ATP2C1: variants seen among roughly 807,000 people sequenced by gnomAD.
ATP2C1 encodes the protein ATPase secretory pathway Ca2+ transporting 1, also known as calcium-transporting ATPase type 2C member 1.
Under a neutral mutation model 120.5 loss-of-function variants are expected in ATP2C1, and 31 were observed. The observed-to-expected ratio is 0.26, with a 90% CI of 0.19 to 0.35. The LOEUF is 0.35. Among genes scored for constraint, ATP2C1 ranks in the 10% least tolerant of loss-of-function variants. ATP2C1 has a pLI of 1.00. For missense variants in ATP2C1, 731 were observed against 1,107.5 expected (o/e 0.66, Z 4.83); for synonymous variants, 351 against 358.7 (o/e 0.98, Z 0.24).
At chr3:130,885,663 G>A (rs184162157) in intron 1 of ATP2C1, among the ~76,000 whole-genome samples, 27 of 151,378 alleles carry the variant, frequency 1.8e-4, no homozygotes, top group East Asian at 7.8e-4. Flanking sequence ...GCTTTTTAAC[G>A]TCTTGTTTCT....
intron 1 of ATP2C1, among the ~76,000 whole-genome samples, chr3:130,853,764 C>T (rs1217733828): frequency 1.3e-5 from 2 of 152,170 alleles, no homozygotes; most frequent in African/African-American, 2.4e-5. Flanking sequence ...TATTCGTGCA[C>T]CCATGCACAC....
At chr3:130,918,986 C>T (rs2669868) in intron 2 of ATP2C1, 13,306 of 403,226 alleles carry the variant, frequency 0.033, 311 homozygotes, top group Middle Eastern at 0.061. Flanking sequence ...AGCAAGACTC[C>T]GTCTTAAACA....
Position 130,894,210 on chromosome 3 carries a change from G to C in ATP2C1, c.-308G>C. 1.0e-6 allele frequency: 1 copy of C among 972,670 alleles called. No homozygotes were observed. The highest frequency in any genetic ancestry group is 1.2e-6 in the Non-Finnish European group (1 of 826,054). 60.3% of individuals were successfully genotyped at this position (972,670 alleles called of 1,614,324 possible). A position where few individuals can be genotyped will look rare whatever the true frequency, so the allele number is the denominator to read the frequency against. On this transcript the variant is annotated 5_prime_UTR_variant, in exon 1 of 28. Transcript: ENST00000510168. This position sits in a 1 kb window ranked among gnomAD's most constrained non-coding sequence, Gnocchi z 4.5. The stretch of plus-strand genomic sequence containing the variant: ...CCTCCCGCTCGCTTCTTCTCACGCC[G>C]GGAGCAGGCTCCCGCCTCGCACCGC...
intron 1 of ATP2C1, among the ~76,000 whole-genome samples, chr3:130,870,311 T>G (rs1288662761): frequency 1.3e-5 from 2 of 152,228 alleles, no homozygotes; most frequent in Non-Finnish European, 2.9e-5. Context: ...CAAGGAAGAA[T>G]TTTAACTTTC....
chr3:130,985,848 A>C (rs2061984983), intron 20 of ATP2C1, among the ~76,000 whole-genome samples: 1 of 151,924 alleles, frequency 6.6e-6, no homozygotes, highest in Non-Finnish European at 1.5e-5. Flanking sequence ...TTTTTCTTTA[A>C]GAACATGGCT....
At chr3:130,863,293 C>G (rs2068073082) in intron 1 of ATP2C1, among the ~76,000 whole-genome samples, 1 of 152,132 alleles carries the variant, frequency 6.6e-6, no homozygotes, top group South Asian at 2.1e-4. Context: ...TCAAAGGTCT[C>G]AGACTCCTCT....
rs534500698 is a variant in ATP2C1 at position 130,984,061 on chromosome 3, A to G, written c.1839+3382A>G. 1.1e-4 allele frequency among the ~76,000 whole-genome samples: 16 copies of G among 152,298 alleles called. No homozygotes were observed. In the South Asian group the frequency reaches 2.5e-3, roughly 24 times the overall value. On this transcript the variant is annotated intron_variant, in intron 20 of 27. Coordinates refer to ENST00000510168, the MANE Select transcript of ATP2C1 (RefSeq NM_001378687.1). ...CTGAATCAGATCATATGGTAAGAGT[A>G]TATTTAGTTTTTTAAGAAACAGGCA...
At chr3:130,971,923 G>T (rs773472659) in intron 17 of ATP2C1, among the ~76,000 whole-genome samples, 1 of 152,138 alleles carries the variant, frequency 6.6e-6, no homozygotes, top group Non-Finnish European at 1.5e-5. Context: ...ATACATGAAG[G>T]CTGGCATCTC....
At chr3:130,893,700 CG>C (rs1362498526), upstream of ATP2C1, among the ~76,000 whole-genome samples, 1 of 152,200 alleles carries the variant, frequency 6.6e-6, no homozygotes, top group African/African-American at 2.4e-5. Context: ...CAGCTTGGGC[CG>C]ACCCCGCGGC....
intron 1 of ATP2C1, among the ~76,000 whole-genome samples, chr3:130,872,777 G>A (rs960999289): frequency 2.6e-5 from 4 of 152,036 alleles, no homozygotes; most frequent in African/African-American, 9.7e-5. Flanking sequence ...TAGAGACGGA[G>A]TTTCACCATT....
intron 2 of ATP2C1, among the ~76,000 whole-genome samples, chr3:130,926,993 C>T (rs1042042291): frequency 6.6e-5 from 10 of 152,218 alleles, no homozygotes; most frequent in African/African-American, 2.4e-4. Flanking sequence ...CCCACCTCTT[C>T]AGTCTGTAGC....
chr3:131,013,528 C>T (rs1422284045), intron 26 of ATP2C1, among the ~76,000 whole-genome samples: 1 of 152,220 alleles, frequency 6.6e-6, no homozygotes, highest in Non-Finnish European at 1.5e-5. Flanking sequence ...TTCAACTTCT[C>T]CTTTAAAACC....
intron 8 of ATP2C1, among the ~76,000 whole-genome samples, chr3:130,947,185 GC>G (rs1189545421): frequency 1.3e-5 from 2 of 152,040 alleles, no homozygotes. Flanking sequence ...GTAGGGTGGG[GC>G]CTGAGATTAC....
chr3:130,963,923 G>A, intron 12 of ATP2C1, 48 bp from the exon 13 acceptor site: 1 of 1,610,180 alleles, frequency 6.2e-7, no homozygotes, highest in South Asian at 1.1e-5. Context: ...ATTTTGCTGT[G>A]AGTGCTGTTT....
At chr3:130,866,051 T>C (rs2068166927) in intron 1 of ATP2C1, among the ~76,000 whole-genome samples, 1 of 152,218 alleles carries the variant, frequency 6.6e-6, no homozygotes, top group East Asian at 1.9e-4. Flanking sequence ...TCCTCCTTTT[T>C]TGATTATATA....
intron 17 of ATP2C1, among the ~76,000 whole-genome samples, chr3:130,972,368 T>A (rs971381946): frequency 2.0e-5 from 3 of 152,158 alleles, no homozygotes; most frequent in Non-Finnish European, 2.9e-5. Context: ...TGGAAGCACT[T>A]ACCTACTCCT....
chr3:130,948,937 A>C (rs910425667), intron 8 of ATP2C1, among the ~76,000 whole-genome samples: 3 of 152,148 alleles, frequency 2.0e-5, no homozygotes, highest in African/African-American at 7.2e-5. Context: ...TAAGACTATA[A>C]ATGTAATGAG....
chr3:130,989,565 CAAA>C (rs56991562), intron 20 of ATP2C1, among the ~76,000 whole-genome samples: 6 of 114,532 alleles, frequency 5.2e-5, no homozygotes, highest in Admixed American at 1.8e-4. Flanking sequence ...AACTCCATCT[CAAA>C]AAAAAAAAAA....
chr3:130,906,706 G>C (rs2058142301), intron 2 of ATP2C1, among the ~76,000 whole-genome samples: 1 of 149,992 alleles, frequency 6.7e-6, no homozygotes, highest in African/African-American at 2.5e-5. Context: ...TGCATCCTAG[G>C]GGGTATGAAG....
Sources: gnomAD v4.1 joint callset for allele counts (sites outside exome capture counted in the v4.1 genomes callset) on GRCh38, gnomAD v4.1.1 for gene constraint, Gnocchi (gnomAD v3.1) non-coding constraint, MANE v1.5 for transcripts, NCBI Gene and HGNC (gene_info 2026-07-23, HGNC 2026-07-21) for gene names.